The following XPO1 variants were observed in gnomAD, a reference collection of about 807,000 sequenced individuals.
The protein encoded by XPO1 is exportin-1.
Under a neutral mutation model 133.3 loss-of-function variants are expected in XPO1, and 5 were observed. The observed-to-expected ratio is 0.04, with a 90% CI of 0.02 to 0.08. XPO1 has a LOEUF of 0.08. Among genes scored for constraint, XPO1 ranks in the 10% least tolerant of loss-of-function variants. The pLI is 1.00. For synonymous variants in XPO1, 419 were observed against 408.2 expected, an observed-to-expected ratio of 1.03 and a Z score of -0.32; for missense variants, 506 against 1,267.5, an observed-to-expected ratio of 0.40 and a Z score of 9.12.
chr2:61,495,002 C>T (rs536698091), intron 11 of XPO1, among the ~76,000 whole-genome samples: 2 of 151,784 alleles, frequency 1.3e-5, no homozygotes, highest in Non-Finnish European at 2.9e-5. Context: ...ACACCACGCA[C>T]AGCTAATTTT....
chr2:61,493,964 G>A lies in XPO1; in HGVS notation c.1175C>T (p.Pro392Leu), dbSNP rs1458439158. Residue 392 changes from proline to leucine, a missense_variant, in exon 12 of 25, where the codon CCG becomes CTG. Physicochemically the swap from Pro to Leu is moderately conservative, Grantham distance 98 (BLOSUM62 -3). Coordinates refer to ENST00000401558, the MANE Select transcript of XPO1 (RefSeq NM_003400.4). ...AAAATGTTGACTTCCAGAAAGCAAC[G>A]GAGAGGCAGATGTAGAGAATGGACT... ...RESPFSTSAS[P>L]LLSGSQHFDV... The A allele has an allele frequency of 1.9e-6, 3 of 1,614,070 alleles. No individual in the cohort carries two copies. The highest frequency in any genetic ancestry group is 1.1e-5 in the South Asian group (1 of 91,076).
chr2:61,532,252 C>A (rs1699187067), intron 2 of XPO1, among the ~76,000 whole-genome samples: 1 of 151,988 alleles, frequency 6.6e-6, no homozygotes, highest in Non-Finnish European at 1.5e-5. Flanking sequence ...CTCAGCCTCC[C>A]GAGTAGCTGG....
chr2:61,514,219 C>G (rs1698241606), intron 4 of XPO1, among the ~76,000 whole-genome samples: 2 of 150,788 alleles, frequency 1.3e-5, no homozygotes, highest in Non-Finnish European at 3.0e-5. Flanking sequence ...AATTTTTGAA[C>G]AGACATTTCA....
intron 12 of XPO1, chr2:61,493,306 C>T (rs1039560662): frequency 3.0e-6 from 1 of 329,404 alleles, no homozygotes; most frequent in Non-Finnish European, 5.5e-6. Context: ...GGGCTTAAAG[C>T]ACAACAGAAA....
At chr2:61,530,621 C>T (rs928238242) in intron 2 of XPO1, among the ~76,000 whole-genome samples, 8 of 151,982 alleles carry the variant, frequency 5.3e-5, no homozygotes, top group African/African-American at 1.9e-4. Flanking sequence ...TAATGTTACA[C>T]TGCTAAATAT....
At chr2:61,501,728 A>AAAAAAAAAAAAAAAAAAAAAAAAAAG (rs1558649299) in intron 6 of XPO1, among the ~76,000 whole-genome samples, 2 of 138,248 alleles carry the variant, frequency 1.4e-5, no homozygotes, top group African/African-American at 5.5e-5. Flanking sequence ...CTCCAAAAAA[A>AAAAAAAAAAAAAAAAAAAAAAAAAAG]AAAAAAAAAG....
At chr2:61,510,809 C>T (rs1698055405) in intron 4 of XPO1, among the ~76,000 whole-genome samples, 1 of 151,854 alleles carries the variant, frequency 6.6e-6, no homozygotes, top group Non-Finnish European at 1.5e-5. Context: ...ATGATTCATG[C>T]GCACGTAGTC....
intron 4 of XPO1, among the ~76,000 whole-genome samples, chr2:61,509,813 C>T (rs1280882867): frequency 2.0e-5 from 3 of 152,098 alleles, no homozygotes; most frequent in African/African-American, 7.2e-5. Flanking sequence ...GCTTTTGATA[C>T]ACTATTAAAA....
chr2:61,534,370 T>C (rs1392117033), intron 1 of XPO1: 1 of 152,334 alleles, frequency 6.6e-6, no homozygotes, highest in African/African-American at 2.4e-5. Context: ...TTATCTTAAC[T>C]TTATAAAAAT....
At chr2:61,526,070 G>T in intron 3 of XPO1, 3 of 1,119,426 alleles carry the variant, frequency 2.7e-6, no homozygotes, top group Non-Finnish European at 3.3e-6. Context: ...TGCCTGGCCT[G>T]TATTATATTG....
Position 61,498,913 on chromosome 2 carries a change from G to C in XPO1, c.591C>G (p.Ser197Arg), listed in dbSNP as rs774397117. 6.3e-7 allele frequency: 1 copy of C among 1,580,028 alleles called. No homozygotes were observed. The highest frequency in any genetic ancestry group is 1.2e-5 in the South Asian group (1 of 85,036). The change falls in exon 8 of 25, where the codon AGC becomes AGG. Residue 197 changes from serine to arginine, a missense_variant and splice_region_variant. Ser to Arg is a moderately radical substitution (Grantham distance 110). Around this residue, in one of 6 missense-constraint regions of XPO1, gnomAD observed 134 missense variants for 261.6 expected, o/e 0.51. Coordinates refer to ENST00000401558, the MANE Select transcript of XPO1 (RefSeq NM_003400.4). ...TQVKSKHLKD[S>R]MCNEFSQIFQ... Reference sequence around the variant, plus strand: ...ATATCTGTGAGAATTCATTGCACATGCTAAAAAAAAAAACACACAAAAATA... The same window carrying C: ...ATATCTGTGAGAATTCATTGCACATCCTAAAAAAAAAAACACACAAAAATA...
chr2:61,526,051 T>A, intron 3 of XPO1: 2 of 1,078,620 alleles, frequency 1.9e-6, no homozygotes, highest in East Asian at 5.1e-5. Context: ...CACAACTTGG[T>A]GTCAGAGGTG....
intron 16 of XPO1, among the ~76,000 whole-genome samples, 187 bp downstream of exon 16, chr2:61,491,848 C>T (rs188682710): frequency 3.9e-4 from 60 of 152,174 alleles, no homozygotes; most frequent in Admixed American, 9.8e-4. Context: ...TGCAGTGAGC[C>T]GTAATTGTGC....
intron 16 of XPO1, among the ~76,000 whole-genome samples, chr2:61,491,030 G>A (rs985296439): frequency 6.6e-6 from 1 of 151,780 alleles, no homozygotes; most frequent in Non-Finnish European, 1.5e-5. Flanking sequence ...GGTGGCAGGT[G>A]CCTATAATTC....
intron 19 of XPO1, 122 bp downstream of exon 19, chr2:61,488,043 C>G: frequency 1.2e-6 from 1 of 801,680 alleles, no homozygotes; most frequent in Non-Finnish European, 2.0e-6. Flanking sequence ...AAATAAAATG[C>G]CATAAAATAA....
At chr2:61,489,557 C>CT (rs1324208213) in intron 17 of XPO1, among the ~76,000 whole-genome samples, 14 of 151,014 alleles carry the variant, frequency 9.3e-5, no homozygotes, top group Non-Finnish European at 1.6e-4. Context: ...TAATATAGTT[C>CT]TATTTTTTTT....
intron 4 of XPO1, among the ~76,000 whole-genome samples, chr2:61,510,712 G>A (rs903886686): frequency 5.3e-5 from 8 of 152,076 alleles, no homozygotes; most frequent in African/African-American, 7.2e-5. Flanking sequence ...CTGAGGCAGA[G>A]GATCGCTTGA....
At chr2:61,493,347 A>G (rs1225260229) in intron 12 of XPO1, 1 of 240,098 alleles carries the variant, frequency 4.2e-6, no homozygotes, top group Non-Finnish European at 8.0e-6. Flanking sequence ...AAGTAAAACT[A>G]AAAAATTTAA....
At chr2:61,482,652 C>T in intron 22 of XPO1, 113 bp from the exon 23 acceptor site, 1 of 1,051,164 alleles carries the variant, frequency 9.5e-7, no homozygotes, top group Non-Finnish European at 1.3e-6. Context: ...GTCACCCAAG[C>T]TGGAATGCCG....
Sources: allele counts gnomAD v4.1 joint callset (sites outside exome capture counted in the v4.1 genomes callset), GRCh38; gene constraint gnomAD v4.1.1; regional missense constraint gnomAD v4.1.1; transcripts MANE v1.5; gene names NCBI Gene and HGNC (gene_info 2026-07-23, HGNC 2026-07-21).